FBN2: variants seen among roughly 807,000 people sequenced by gnomAD.
FBN2 encodes fibrillin 2, also known as fibrillin-2.
A neutral mutation model predicts 355.6 loss-of-function variants in FBN2; 105 were observed. That is an observed-to-expected ratio of 0.30 (90% CI 0.25 to 0.35). FBN2 has a LOEUF of 0.35. FBN2 is among the 10% of genes least tolerant of loss of function. FBN2 has a pLI of 1.00. For missense variants in FBN2, 3,280 were observed against 3,758.7 expected (o/e 0.87, Z 3.33); for synonymous variants, 1,350 against 1,301.2 (o/e 1.04, Z -0.81).
At chr5:128,485,520 A>C (rs1755314529) in intron 5 of FBN2, among the ~76,000 whole-genome samples, 1 of 152,120 alleles carries the variant, frequency 6.6e-6, no homozygotes, top group Admixed American at 6.6e-5. Context: ...GAACAAGGGA[A>C]GATCTCAAAC....
chr5:128,457,247 T>C (rs556318298), intron 6 of FBN2, among the ~76,000 whole-genome samples: 11 of 151,596 alleles, frequency 7.3e-5, no homozygotes, highest in East Asian at 3.9e-4. Context: ...CAGACAAGAA[T>C]AGAGAAAAAA....
At chr5:128,451,873 A>C (rs1160843001) in intron 6 of FBN2, among the ~76,000 whole-genome samples, 1 of 152,204 alleles carries the variant, frequency 6.6e-6, no homozygotes, top group Non-Finnish European at 1.5e-5. Context: ...TATGCTGCAT[A>C]CGGATTATAG....
At chr5:128,461,351 C>T (rs773869791) in intron 6 of FBN2, among the ~76,000 whole-genome samples, 9 of 151,890 alleles carry the variant, frequency 5.9e-5, no homozygotes, top group Non-Finnish European at 1.0e-4. Flanking sequence ...AGTCAGGAAA[C>T]GAGATGCTGG....
At chr5:128,505,994 C>T (rs867095568) in intron 5 of FBN2, among the ~76,000 whole-genome samples, 12 of 152,248 alleles carry the variant, frequency 7.9e-5, no homozygotes, top group Middle Eastern at 6.8e-3. Flanking sequence ...GCAAATAAAG[C>T]GTGAAATAGC....
intron 39 of FBN2, among the ~76,000 whole-genome samples, chr5:128,310,618 T>C (rs1750028578): frequency 6.6e-6 from 1 of 152,098 alleles, no homozygotes; most frequent in Non-Finnish European, 1.5e-5. Context: ...CATTACATCC[T>C]ATTTCTTCCA....
intron 7 of FBN2, among the ~76,000 whole-genome samples, chr5:128,416,761 G>T (rs927741120): frequency 4.6e-5 from 7 of 152,142 alleles, no homozygotes; most frequent in Non-Finnish European, 1.0e-4. Flanking sequence ...TCTAGTATCT[G>T]TTTTTATGCA....
In FBN2 at chr5:128,309,419, G is replaced by T. The variant is rs1472512223; in HGVS notation, c.5201-20C>A. On this transcript the variant is annotated intron_variant, in intron 40 of 64. Coordinates refer to ENST00000262464, the MANE Select transcript of FBN2 (RefSeq NM_001999.4). ...TCATGTCTATATAAAGAAAAACAAA[G>T]AAACTAGCCATTTGTATCCACGAGT... 2 of 1,610,742 alleles carry T rather than the reference G, an allele frequency of 1.2e-6. No homozygotes were observed. Among genetic ancestry groups the T allele is most frequent in the Non-Finnish European group, 1.7e-6 (2 of 1,177,382 alleles).
At chr5:128,310,434 A>C (rs2126845059) in intron 39 of FBN2, among the ~76,000 whole-genome samples, 1 of 129,602 alleles carries the variant, frequency 7.7e-6, no homozygotes, top group African/African-American at 3.0e-5. Context: ...TGCAATTCGC[A>C]TTCTTCAATT....
At chr5:128,403,727 T>G (rs1046001532) in intron 8 of FBN2, among the ~76,000 whole-genome samples, 1 of 151,986 alleles carries the variant, frequency 6.6e-6, no homozygotes, top group East Asian at 1.9e-4. Flanking sequence ...AACTGGCACA[T>G]GTTAGTGCTC....
At position 128,516,374 on chromosome 5, in the gene FBN2, CT is replaced by C. The variant is rs35226456; in HGVS notation, c.628+2898del. On this transcript the variant is annotated intron_variant, in intron 5 of 64. Coordinates refer to ENST00000262464, the MANE Select transcript of FBN2 (RefSeq NM_001999.4). ...CAATTAGCCTGTAACCACAAGAACT[CT>C]TTTTTTTTTTTTTGATGCTAAGTAT... 3.9e-3 allele frequency among the ~76,000 whole-genome samples: 573 copies of C among 145,150 alleles called. 1 individual carries two copies. The highest frequency in any genetic ancestry group is 0.011 in the Middle Eastern group (3 of 278).
chr5:128,374,348 C>A (rs1752026103), intron 15 of FBN2, among the ~76,000 whole-genome samples: 2 of 152,052 alleles, frequency 1.3e-5, no homozygotes, highest in Admixed American at 1.3e-4. Context: ...CTTTTAGCTC[C>A]CACCCCATTC....
At chr5:128,278,046 T>A in intron 57 of FBN2, 41 bp from the exon 58 acceptor site, 2 of 1,607,396 alleles carry the variant, frequency 1.2e-6, no homozygotes, top group Non-Finnish European at 1.7e-6. Context: ...AGTTAACATA[T>A]ATGCAAGGGT....
At chr5:128,333,506 T>G (rs1399884790) in intron 31 of FBN2, among the ~76,000 whole-genome samples, 1 of 152,166 alleles carries the variant, frequency 6.6e-6, no homozygotes, top group Non-Finnish European at 1.5e-5. Flanking sequence ...CTCTTTAAAA[T>G]TACATGATCA....
rs1292842821 is a variant in FBN2, at chr5:128,296,423, TC to T, written c.6166+4393del. Among the ~76,000 whole-genome samples, 4 of 151,992 alleles carry T rather than the reference TC, an allele frequency of 2.6e-5. No homozygotes were observed. The East Asian group carries it at 7.7e-4, about 29-fold the overall frequency. On this transcript the variant is annotated intron_variant, in intron 48 of 64. Transcript: ENST00000262464. ...TTTCAGAAGGAATGGTACCAGTTCC[TC>T]CTTGTACCTCTGGTAGAATTCGGCT...
chr5:128,519,847 A>G lies in FBN2; in HGVS notation c.533-479T>C, dbSNP rs537595724. On this transcript the variant is annotated intron_variant, in intron 4 of 64. Transcript: ENST00000262464. Reference sequence around the variant, plus strand: ...AAGAAAAAATGAAAATGATATGGCAATAAAGGGAAAAAGGAAAAATCAGAG... The same window carrying G: ...AAGAAAAAATGAAAATGATATGGCAGTAAAGGGAAAAAGGAAAAATCAGAG... Among the ~76,000 whole-genome samples, 11 of 152,212 alleles carry G rather than the reference A, an allele frequency of 7.2e-5. 1 individual carries two copies. The South Asian group carries it at 8.3e-4, about 11-fold the overall frequency.
intron 11 of FBN2, among the ~76,000 whole-genome samples, chr5:128,383,390 C>T (rs1018055197): frequency 1.3e-5 from 2 of 152,020 alleles, no homozygotes; most frequent in African/African-American, 4.8e-5. Context: ...GAAGAAAACC[C>T]TTGTGACCTT....
intron 5 of FBN2, among the ~76,000 whole-genome samples, chr5:128,493,465 A>G (rs1253141058): frequency 2.0e-5 from 3 of 152,180 alleles, no homozygotes; most frequent in African/African-American, 7.2e-5. Flanking sequence ...AGCACTTGAC[A>G]TATATCATGC....
intron 5 of FBN2, among the ~76,000 whole-genome samples, chr5:128,475,272 GTTA>G (rs774799820): frequency 3.3e-5 from 5 of 152,162 alleles, no homozygotes; most frequent in Non-Finnish European, 7.3e-5. Flanking sequence ...CTGAAAATGT[GTTA>G]TTGTCAGGGA....
chr5:128,348,907 G>A (rs1015648470), intron 23 of FBN2, among the ~76,000 whole-genome samples: 1 of 151,924 alleles, frequency 6.6e-6, no homozygotes, highest in African/African-American at 2.4e-5. Flanking sequence ...ATAAAGGAAG[G>A]ACCAGGATCA....
Sources: allele counts gnomAD v4.1 joint callset (sites outside exome capture counted in the v4.1 genomes callset), GRCh38; gene constraint gnomAD v4.1.1; transcripts MANE v1.5; gene names NCBI Gene and HGNC (gene_info 2026-07-23, HGNC 2026-07-21).